TSPAN9: variants seen among roughly 807,000 people sequenced by gnomAD.
TSPAN9 encodes tetraspanin-9.
A neutral mutation model predicts 31.0 loss-of-function variants in TSPAN9; 16 were observed. That is an observed-to-expected ratio of 0.52 (90% CI 0.35 to 0.78). TSPAN9 has a LOEUF of 0.78. Among genes scored for constraint, TSPAN9 ranks in the 30% least tolerant of loss-of-function variants. TSPAN9 has a pLI of 0.01. For missense variants in TSPAN9, 272 were observed against 312.5 expected, an observed-to-expected ratio of 0.87 and a Z score of 0.98; for synonymous variants, 145 against 121.6, an observed-to-expected ratio of 1.19 and a Z score of -1.27.
In TSPAN9 at chr12:3,256,372, G is replaced by A. The variant is rs1423181463; in HGVS notation, c.64-22049G>A. ...CTTAGGACCAGGGAAGGCACTTGCC[G>A]CAGGGGTCCGGCAGTCGCAGCCAGC... On this transcript the variant is annotated intron_variant, in intron 3 of 8. Coordinates refer to ENST00000011898, the MANE Select transcript of TSPAN9 (RefSeq NM_006675.5). 6.6e-5 allele frequency among the ~76,000 whole-genome samples: 10 copies of A among 152,222 alleles called. No homozygotes were observed. In the East Asian group the frequency reaches 9.6e-4, roughly 15 times the overall value.
chr12:3,243,407 A>C (rs1312706727), intron 3 of TSPAN9, among the ~76,000 whole-genome samples: 2 of 152,168 alleles, frequency 1.3e-5, no homozygotes, highest in African/African-American at 4.8e-5. Flanking sequence ...AGGGCGGCTC[A>C]GAGAAGTTAA....
intron 4 of TSPAN9, 38 bp from the exon 5 acceptor site, chr12:3,278,954 C>T: frequency 6.2e-7 from 1 of 1,605,342 alleles, no homozygotes; most frequent in Non-Finnish European, 8.5e-7. Context: ...CAGCCCTGCC[C>T]ATTACCACCT....
chr12:3,149,590 G>A (rs2098338887), intron 2 of TSPAN9, among the ~76,000 whole-genome samples: 1 of 152,188 alleles, frequency 6.6e-6, no homozygotes, highest in Admixed American at 6.5e-5. Context: ...GGTGTAAAGA[G>A]TTGATTTGAG....
At chr12:3,253,022 C>T (rs569988120) in intron 3 of TSPAN9, among the ~76,000 whole-genome samples, 1 of 152,132 alleles carries the variant, frequency 6.6e-6, no homozygotes, top group African/African-American at 2.4e-5. Flanking sequence ...CCGAGTGAGC[C>T]ACTGCACCGC....
intron 2 of TSPAN9, among the ~76,000 whole-genome samples, chr12:3,099,903 A>C (rs1346949131): frequency 1.4e-5 from 2 of 143,278 alleles, no homozygotes; most frequent in Admixed American, 1.5e-4. Flanking sequence ...GTGCAGTGGC[A>C]CAATCTCAGC....
intron 2 of TSPAN9, among the ~76,000 whole-genome samples, chr12:3,091,961 G>A (rs765272822): frequency 1.3e-5 from 2 of 152,152 alleles, no homozygotes; most frequent in African/African-American, 2.4e-5. Flanking sequence ...CCTGTTGCAG[G>A]GTTAATGAGC....
Position 3,243,580 on chromosome 12 carries a change from A to T in TSPAN9, c.64-34841A>T, listed in dbSNP as rs185984462. ...GCTAAGCAGCTTAGGGCACAGCCAGATCACGGCACAGGAAGCTTCAGTCGT... is the reference window on the plus strand; with the variant it reads ...GCTAAGCAGCTTAGGGCACAGCCAGTTCACGGCACAGGAAGCTTCAGTCGT... On this transcript the variant is annotated intron_variant, in intron 3 of 8. Transcript: ENST00000011898. Among the ~76,000 whole-genome samples, 163 of 152,302 alleles carry T rather than the reference A, an allele frequency of 1.1e-3. 1 individual carries two copies. Among genetic ancestry groups the T allele is most frequent in the African/African-American group, 3.5e-3 (147 of 41,586 alleles).
chr12:3,198,803 G>C (rs1163648556), intron 2 of TSPAN9, among the ~76,000 whole-genome samples: 1 of 54,428 alleles, frequency 1.8e-5, no homozygotes, highest in Non-Finnish European at 3.9e-5. Context: ...ACCAGCACAG[G>C]TCACACCAGC....
intron 3 of TSPAN9, among the ~76,000 whole-genome samples, chr12:3,210,483 T>C (rs1205399756): frequency 6.6e-6 from 1 of 152,244 alleles, no homozygotes; most frequent in East Asian, 1.9e-4. Flanking sequence ...TGTTTGTCTT[T>C]TGTTCATTTT....
intron 2 of TSPAN9, among the ~76,000 whole-genome samples, chr12:3,149,397 TCTC>T (rs1012369439): frequency 6.6e-6 from 1 of 152,208 alleles, no homozygotes; most frequent in African/African-American, 2.4e-5. Context: ...CTTGCCTTCT[TCTC>T]TCTTTTTTAC....
intron 2 of TSPAN9, among the ~76,000 whole-genome samples, chr12:3,152,773 A>C (rs971225832): frequency 6.6e-6 from 1 of 152,186 alleles, no homozygotes; most frequent in African/African-American, 2.4e-5. Flanking sequence ...TTTTAAATAG[A>C]GATGGGGTTT....
At chr12:3,259,152 G>GTT (rs759202765) in intron 3 of TSPAN9, among the ~76,000 whole-genome samples, 2 of 152,212 alleles carry the variant, frequency 1.3e-5, no homozygotes, top group Non-Finnish European at 2.9e-5. Context: ...GCATAGAGAA[G>GTT]TTAAGTCACT....
chr12:3,083,782 T>C (rs1565569169), intron 2 of TSPAN9, 63 bp downstream of exon 2: 1 of 152,306 alleles, frequency 6.6e-6, no homozygotes, highest in Non-Finnish European at 1.5e-5. Context: ...TTATAACCTC[T>C]GTCTGAAGTC....
At chr12:3,252,500 GTCCCTGCAC>G (rs1405998991) in intron 3 of TSPAN9, among the ~76,000 whole-genome samples, 1 of 152,192 alleles carries the variant, frequency 6.6e-6, no homozygotes, top group Non-Finnish European at 1.5e-5. Context: ...TTATATAGCC[GTCCCTGCAC>G]TCCCAGAGCT....
intron 3 of TSPAN9, among the ~76,000 whole-genome samples, chr12:3,253,312 GTAA>G (rs1862287506): frequency 6.6e-6 from 1 of 152,250 alleles, no homozygotes; most frequent in South Asian, 2.1e-4. Context: ...AGTGAACAAA[GTAA>G]TAACAATCAC....
chr12:3,096,057 G>A (rs1028725608), intron 2 of TSPAN9, among the ~76,000 whole-genome samples: 1 of 151,834 alleles, frequency 6.6e-6, no homozygotes, highest in Admixed American at 6.6e-5. Flanking sequence ...CGGCGCTCCC[G>A]GCGCGGCGGC....
intron 2 of TSPAN9, among the ~76,000 whole-genome samples, chr12:3,194,212 T>C (rs2098365969): frequency 6.6e-6 from 1 of 152,122 alleles, no homozygotes; most frequent in Non-Finnish European, 1.5e-5. Context: ...AGCCTCTGCT[T>C]TCTTATAGAA....
At position 3,201,296 on chromosome 12, in the gene TSPAN9, C is replaced by T. The variant is rs770637620; in HGVS notation, c.63+40C>T. 15 of 1,583,838 alleles carry T rather than the reference C, an allele frequency of 9.5e-6. No individual in the cohort carries two copies. In the East Asian group the frequency reaches 1.6e-4, roughly 17 times the overall value. On this transcript the variant is annotated intron_variant, in intron 3 of 8. Coordinates refer to ENST00000011898, the MANE Select transcript of TSPAN9 (RefSeq NM_006675.5). Reference sequence around the variant, plus strand: ...TTCTCTCTCCCTTCGCCCTCTTCTCCTCCTCTTGGCTTACCATAGCGTGAA... The same window carrying T: ...TTCTCTCTCCCTTCGCCCTCTTCTCTTCCTCTTGGCTTACCATAGCGTGAA...
At chr12:3,160,049 A>G (rs533763939) in intron 2 of TSPAN9, among the ~76,000 whole-genome samples, 188 of 152,320 alleles carry the variant, frequency 1.2e-3, no homozygotes, top group South Asian at 1.9e-3. Flanking sequence ...CCTCAGAAAG[A>G]AACCCCATAC....
Sources: allele counts gnomAD v4.1 joint callset (sites outside exome capture counted in the v4.1 genomes callset), GRCh38; gene constraint gnomAD v4.1.1; transcripts MANE v1.5; gene names NCBI Gene and HGNC (gene_info 2026-07-23, HGNC 2026-07-21).